HMCN1: variants seen among roughly 807,000 people sequenced by gnomAD.
The protein encoded by HMCN1 is hemicentin-1.
A neutral mutation model predicts 625.9 loss-of-function variants in HMCN1; 321 were observed. That is an observed-to-expected ratio of 0.51 (90% CI 0.47 to 0.56). The LOEUF is 0.56. Ranked by LOEUF, HMCN1 falls within the 20% of genes least tolerant of loss-of-function variation. The pLI is 0.00. For synonymous variants in HMCN1, 2,425 were observed against 2,417.6 expected (o/e 1.00, Z -0.09); for missense variants, 6,588 against 6,887.3 (o/e 0.96, Z 1.54).
At chr1:185,749,003 C>A (rs925755341) in intron 1 of HMCN1, among the ~76,000 whole-genome samples, 2 of 152,134 alleles carry the variant, frequency 1.3e-5, no homozygotes, top group Admixed American at 6.5e-5. Flanking sequence ...AATGTTAAAT[C>A]TCTGGCTCTG....
chr1:185,868,948 G>A (rs1450369475), intron 4 of HMCN1, among the ~76,000 whole-genome samples: 3 of 152,114 alleles, frequency 2.0e-5, no homozygotes, highest in Non-Finnish European at 2.9e-5. Flanking sequence ...CTAGAGAGAA[G>A]CATTGCTAAA....
At chr1:186,004,891 G>A (rs954018528) in intron 29 of HMCN1, among the ~76,000 whole-genome samples, 7 of 151,780 alleles carry the variant, frequency 4.6e-5, no homozygotes, top group Non-Finnish European at 8.8e-5. Context: ...GATACTTTAC[G>A]GCATAATCAT....
At chr1:185,837,063 A>T (rs1170636571) in intron 1 of HMCN1, among the ~76,000 whole-genome samples, 1 of 150,004 alleles carries the variant, frequency 6.7e-6, no homozygotes, top group East Asian at 1.9e-4. Context: ...ATATATATAT[A>T]TGTGTCACAT....
intron 29 of HMCN1, among the ~76,000 whole-genome samples, chr1:186,005,368 A>G (rs1653528521): frequency 6.8e-6 from 1 of 146,398 alleles, no homozygotes; most frequent in Admixed American, 6.7e-5. Context: ...ACAATTTTTT[A>G]ATTGTTTATA....
chr1:185,897,130 C>T (rs1272336013), intron 4 of HMCN1, among the ~76,000 whole-genome samples: 2 of 152,180 alleles, frequency 1.3e-5, no homozygotes. Flanking sequence ...ACCTAGGGAA[C>T]ACTGAATCTA....
At chr1:186,036,698 C>T (rs1655850051) in intron 36 of HMCN1, among the ~76,000 whole-genome samples, 1 of 151,850 alleles carries the variant, frequency 6.6e-6, no homozygotes, top group African/African-American at 2.4e-5. Context: ...TGAAGCGATT[C>T]TCCTGTCTCA....
At chr1:186,093,810 G>A in intron 66 of HMCN1, 141 bp downstream of exon 66, 1 of 1,098,094 alleles carries the variant, frequency 9.1e-7, no homozygotes, top group Non-Finnish European at 1.3e-6. Context: ...TTTTAGTAGA[G>A]GAAGGACAAC....
intron 104 of HMCN1, among the ~76,000 whole-genome samples, chr1:186,181,113 T>C (rs1468625498): frequency 6.6e-6 from 1 of 152,158 alleles, no homozygotes; most frequent in African/African-American, 2.4e-5. Flanking sequence ...AGCTCTGTGC[T>C]AACAACTTGG....
chr1:185,806,821 TATTTA>T (rs1659202738), intron 1 of HMCN1, among the ~76,000 whole-genome samples: 2 of 152,156 alleles, frequency 1.3e-5, no homozygotes, highest in South Asian at 4.1e-4. Flanking sequence ...GTTTTTATTA[TATTTA>T]ATTTATTTAG....
intron 30 of HMCN1, among the ~76,000 whole-genome samples, chr1:186,010,657 C>A (rs1035784022): frequency 4.6e-5 from 7 of 152,234 alleles, no homozygotes; most frequent in Admixed American, 2.6e-4. Flanking sequence ...TATAAATAAT[C>A]TCAATCAAAA....
At chr1:185,912,901 T>A (rs950305158) in intron 6 of HMCN1, among the ~76,000 whole-genome samples, 4 of 152,152 alleles carry the variant, frequency 2.6e-5, no homozygotes, top group African/African-American at 7.2e-5. Context: ...ATTGTCTGTT[T>A]CCTTACATAA....
chr1:186,068,620 C>T (rs529422456), intron 50 of HMCN1, among the ~76,000 whole-genome samples: 2 of 152,162 alleles, frequency 1.3e-5, no homozygotes, highest in African/African-American at 4.8e-5. Context: ...GTAATCCTAG[C>T]ACTTTGGGAG....
chr1:185,842,707 A>G (rs114226392), intron 1 of HMCN1, among the ~76,000 whole-genome samples: 2,465 of 151,872 alleles, frequency 0.016, 68 homozygotes, highest in African/African-American at 0.052. Flanking sequence ...CTCCAGCCTG[A>G]GTGACAGAGC....
intron 4 of HMCN1, among the ~76,000 whole-genome samples, chr1:185,885,293 C>T (rs1404305402): frequency 6.6e-6 from 1 of 151,756 alleles, no homozygotes; most frequent in Non-Finnish European, 1.5e-5. Context: ...CGAGGAAGTA[C>T]AAGAATAGCT....
Position 186,093,374 on chromosome 1 carries a change from A to C in HMCN1, c.10013-112A>C, listed in dbSNP as rs181708038. On this transcript the variant is annotated intron_variant, in intron 65 of 106. Transcript: ENST00000271588. Reference sequence around the variant, plus strand: ...TAGTTTTAAATTTGATGCCACCACTATTTCCTTTTGGGCTACAATTTTGAA... The same window carrying C: ...TAGTTTTAAATTTGATGCCACCACTCTTTCCTTTTGGGCTACAATTTTGAA... The C allele has an allele frequency of 5.4e-4, 857 of 1,580,430 alleles. 3 individuals are homozygous for C. The highest frequency in any genetic ancestry group is 1.2e-3 in the East Asian group (55 of 44,640).
At chr1:185,908,748 T>G (rs1666242046) in intron 4 of HMCN1, among the ~76,000 whole-genome samples, 1 of 151,286 alleles carries the variant, frequency 6.6e-6, no homozygotes, top group African/African-American at 2.4e-5. Context: ...ATATTGTTAC[T>G]TATTCACTTT....
chr1:185,977,813 G>T lies in HMCN1; in HGVS notation c.2398G>T (p.Ala800Ser), dbSNP rs759080679. The change falls in exon 16 of 107, where the codon GCT (alanine) becomes TCT (serine). Residue 800 changes from alanine to serine, a missense_variant. Transcript: ENST00000271588. The part of the protein sequence containing the change: ...GSPPVFIQEP[A>S]DVSMEIGSNV... ...ACCTCCAGTTTTCATACAAGAACCT[G>T]CTGATGTGTCTATGGAAATTGGCTC... is the stretch of plus-strand genomic sequence containing the variant. The T allele has an allele frequency of 9.3e-6, 15 of 1,612,800 alleles. No individual in the cohort carries two copies. Among genetic ancestry groups the T allele is most frequent in the African/African-American group, 1.3e-5 (1 of 74,870 alleles).
At chr1:186,069,526 T>C in intron 50 of HMCN1, 137 bp from the exon 51 acceptor site, 1 of 700,668 alleles carries the variant, frequency 1.4e-6, no homozygotes, top group South Asian at 1.5e-5. Context: ...CAGTTTATCT[T>C]ATATCATATG....
At chr1:185,787,788 A>G (rs1258165114) in intron 1 of HMCN1, among the ~76,000 whole-genome samples, 1 of 152,158 alleles carries the variant, frequency 6.6e-6, no homozygotes, top group Non-Finnish European at 1.5e-5. Context: ...TTATTTTCCC[A>G]TTTTTATGAT....
Sources: allele counts gnomAD v4.1 joint callset (sites outside exome capture counted in the v4.1 genomes callset), GRCh38; gene constraint gnomAD v4.1.1; transcripts MANE v1.5; gene names NCBI Gene and HGNC (gene_info 2026-07-23, HGNC 2026-07-21).